FMN2: variants seen among roughly 807,000 people sequenced by gnomAD.
The protein encoded by FMN2 is formin 2, also known as formin-2.
FMN2 carries 51 observed loss-of-function variants against 142.3 expected under a neutral mutation model. The observed-to-expected ratio is 0.36, with a 90% CI of 0.29 to 0.45. The LOEUF is 0.45. FMN2 is among the 20% of genes least tolerant of loss of function. The pLI is 1.00. For synonymous variants in FMN2, 882 were observed against 869.8 expected (o/e 1.01, Z -0.25); for missense variants, 1,936 against 2,122.8 (o/e 0.91, Z 1.73).
intron 6 of FMN2, among the ~76,000 whole-genome samples, chr1:240,231,711 C>T (rs751263171): frequency 7.2e-5 from 11 of 152,196 alleles, no homozygotes; most frequent in Middle Eastern, 3.4e-3. Context: ...ATTTAGTTTG[C>T]GAGATTTTTT....
chr1:240,300,881 A>G (rs1325011481), intron 8 of FMN2, among the ~76,000 whole-genome samples: 2 of 142,692 alleles, frequency 1.4e-5, no homozygotes, highest in Non-Finnish European at 3.0e-5. Flanking sequence ...TATTCTTTTG[A>G]TACTTACTGT....
intron 16 of FMN2, among the ~76,000 whole-genome samples, chr1:240,470,504 C>A (rs1258353073): frequency 2.0e-5 from 3 of 152,100 alleles, no homozygotes; most frequent in Non-Finnish European, 4.4e-5. Context: ...ATTTGTCATG[C>A]TTTAATATAA....
chr1:240,235,087 T>G (rs1254128164), intron 6 of FMN2, among the ~76,000 whole-genome samples: 1 of 152,216 alleles, frequency 6.6e-6, no homozygotes, highest in African/African-American at 2.4e-5. Flanking sequence ...AAGAGTAATT[T>G]GGTATTTATA....
At chr1:240,148,387 CAG>C (rs1373183537) in intron 2 of FMN2, among the ~76,000 whole-genome samples, 86 of 139,218 alleles carry the variant, frequency 6.2e-4, no homozygotes, top group Middle Eastern at 7.5e-3. Flanking sequence ...GAGAGAAAGA[CAG>C]AGAGAAAGAC....
intron 3 of FMN2, among the ~76,000 whole-genome samples, chr1:240,182,151 T>C (rs562242253): frequency 2.6e-5 from 4 of 152,168 alleles, no homozygotes; most frequent in Non-Finnish European, 5.9e-5. Context: ...CTTGGACCAA[T>C]TTAGGGGCTC....
chr1:240,154,318 C>T (rs1663923201), intron 2 of FMN2, among the ~76,000 whole-genome samples: 1 of 151,986 alleles, frequency 6.6e-6, no homozygotes, highest in Admixed American at 6.6e-5. Flanking sequence ...GCAATAAACA[C>T]CCGTGTAAGT....
chr1:240,441,509 C>A (rs77042661), intron 16 of FMN2, among the ~76,000 whole-genome samples: 3,950 of 151,910 alleles, frequency 0.026, 167 homozygotes, highest in African/African-American at 0.09. Flanking sequence ...GTACTCCTAT[C>A]CTATTTACTA....
At chr1:240,425,746 G>A (rs900037224) in intron 15 of FMN2, among the ~76,000 whole-genome samples, 2 of 152,180 alleles carry the variant, frequency 1.3e-5, no homozygotes, top group Non-Finnish European at 1.5e-5. Flanking sequence ...CTGCCAGCAC[G>A]TGAACCTGAG....
At chr1:240,464,368 G>T (rs771967558) in intron 16 of FMN2, among the ~76,000 whole-genome samples, 4 of 152,004 alleles carry the variant, frequency 2.6e-5, no homozygotes, top group Non-Finnish European at 4.4e-5. Flanking sequence ...CAGCCACCAG[G>T]GAATTAATTT....
Position 240,212,963 on chromosome 1 carries a change from GT to G in FMN2, c.4065+1731del, listed in dbSNP as rs1666751610. On this transcript the variant is annotated intron_variant, in intron 6 of 17. Coordinates refer to ENST00000319653, the MANE Select transcript of FMN2 (RefSeq NM_020066.5). The stretch of plus-strand genomic sequence containing the variant: ...TGTGTTTTTTTGTTTGTTTGTTTTT[GT>G]TTGTTTGTTTTTTTGGCTAAGGGAA... Among the ~76,000 whole-genome samples the G allele has an allele frequency of 2.0e-5, 3 of 151,992 alleles. No individual in the cohort carries two copies. The South Asian group carries it at 6.2e-4, about 31-fold the overall frequency.
intron 4 of FMN2, among the ~76,000 whole-genome samples, chr1:240,200,834 C>T (rs1198265290): frequency 2.0e-5 from 3 of 152,070 alleles, no homozygotes. Context: ...ATGATCTGTA[C>T]AAAAAAGTTC....
intron 13 of FMN2, among the ~76,000 whole-genome samples, chr1:240,353,961 T>C (rs932850530): frequency 2.0e-5 from 3 of 152,078 alleles, no homozygotes; most frequent in African/African-American, 7.2e-5. Context: ...AACATTTGCA[T>C]TGAGTCTGCA....
chr1:240,172,757 ACCTT>A (rs1664759504), intron 2 of FMN2, among the ~76,000 whole-genome samples: 1 of 152,156 alleles, frequency 6.6e-6, no homozygotes, highest in South Asian at 2.1e-4. Flanking sequence ...ATAACCTGAT[ACCTT>A]CCTTTTTCCA....
intron 15 of FMN2, among the ~76,000 whole-genome samples, chr1:240,413,316 G>A (rs903478612): frequency 1.5e-4 from 23 of 151,400 alleles, no homozygotes; most frequent in Non-Finnish European, 2.7e-4. Context: ...AGAAGAAGGG[G>A]AGTTGGGCTT....
chr1:240,272,985 G>A (rs140806540), intron 7 of FMN2, among the ~76,000 whole-genome samples: 39 of 152,152 alleles, frequency 2.6e-4, no homozygotes, highest in South Asian at 8.3e-4. Flanking sequence ...CCAAATCTCC[G>A]TAAGAACTTT....
intron 7 of FMN2, among the ~76,000 whole-genome samples, chr1:240,283,947 A>G (rs962893619): frequency 7.9e-5 from 12 of 152,138 alleles, no homozygotes; most frequent in African/African-American, 2.9e-4. Context: ...TTTATGATCC[A>G]TCGGCATTGT....
chr1:240,200,615 G>A (rs771064908), intron 4 of FMN2, among the ~76,000 whole-genome samples: 7 of 152,076 alleles, frequency 4.6e-5, no homozygotes, highest in Admixed American at 1.3e-4. Flanking sequence ...TTTGAGATGC[G>A]CTTAGTTGCT....
At chr1:240,327,354 AC>A (rs1369985021) in intron 8 of FMN2, among the ~76,000 whole-genome samples, 1 of 152,198 alleles carries the variant, frequency 6.6e-6, no homozygotes, top group East Asian at 1.9e-4. Flanking sequence ...AATCCTATCA[AC>A]TGAAAACCTG....
chr1:240,378,770 C>T lies in FMN2; in HGVS notation c.4859-13741C>T, dbSNP rs74842488. The stretch of plus-strand genomic sequence containing the variant: ...TTTCCATTCAGTGGACTTTTTATTT[C>T]GGATACTGTATTTTTAACTTTACAA... On this transcript the variant is annotated intron_variant, in intron 14 of 17. Coordinates refer to ENST00000319653, the MANE Select transcript of FMN2 (RefSeq NM_020066.5). 1.2e-3 allele frequency among the ~76,000 whole-genome samples: 183 copies of T among 152,146 alleles called. 1 individual carries two copies. In the East Asian group the frequency reaches 0.018, roughly 15 times the overall value.
Sources: gnomAD v4.1 joint callset for allele counts (sites outside exome capture counted in the v4.1 genomes callset) on GRCh38, gnomAD v4.1.1 for gene constraint, MANE v1.5 for transcripts, NCBI Gene and HGNC (gene_info 2026-07-23, HGNC 2026-07-21) for gene names.